Variants in EBF3 observed in about 807,000 individuals in gnomAD.
EBF3 encodes the protein EBF transcription factor 3.
A neutral mutation model predicts 77.1 loss-of-function variants in EBF3; 18 were observed. That is an observed-to-expected ratio of 0.23 (90% CI 0.16 to 0.35). The LOEUF (loss-of-function observed/expected upper bound fraction) is 0.35, where lower values mean the gene tolerates loss of function less well. EBF3 is among the 10% of genes least tolerant of loss of function. EBF3 has a pLI of 1.00. For missense variants in EBF3, 558 were observed against 860.0 expected (o/e 0.65, Z 4.39); for synonymous variants, 350 against 343.5 (o/e 1.02, Z -0.21).
rs529994360 is a variant in EBF3 at position 129,880,441 on chromosome 10, G to A, written c.555-2592C>T. Among the ~76,000 whole-genome samples the A allele has an allele frequency of 8.3e-4, 126 of 151,416 alleles. 1 individual carries two copies. Among genetic ancestry groups the A allele is most frequent in the Non-Finnish European group, 1.5e-3 (99 of 67,932 alleles). On this transcript the variant is annotated intron_variant, in intron 6 of 16. Transcript: ENST00000440978. Reference sequence around the variant, plus strand: ...CATGCACACATGCAGACACACACGCGCATACACATACACATGCAGACACAT... The same window carrying A: ...CATGCACACATGCAGACACACACGCACATACACATACACATGCAGACACAT...
chr10:129,948,284 A>AAGC (rs1365679892), intron 6 of EBF3, among the ~76,000 whole-genome samples: 3 of 148,558 alleles, frequency 2.0e-5, no homozygotes, highest in African/African-American at 7.7e-5. Context: ...AAAAAAAAAA[A>AAGC]AGCAGCAGCA....
intron 6 of EBF3, among the ~76,000 whole-genome samples, chr10:129,916,364 C>G (rs536477449): frequency 6.6e-6 from 1 of 152,376 alleles, no homozygotes; most frequent in South Asian, 2.1e-4. Flanking sequence ...TGTCCACCAC[C>G]TCATGCTCAG....
chr10:129,855,710 C>A (rs1471047930), intron 10 of EBF3, among the ~76,000 whole-genome samples: 2 of 152,196 alleles, frequency 1.3e-5, no homozygotes, highest in Non-Finnish European at 2.9e-5. Context: ...GTAAAAGCCA[C>A]CCTCAACATG....
In EBF3 at chr10:129,930,219, G is replaced by A. The variant is rs189939613; in HGVS notation, c.554+27039C>T. Among the ~76,000 whole-genome samples the A allele has an allele frequency of 3.6e-3, 542 of 152,322 alleles. 4 individuals carry two copies. Among genetic ancestry groups the A allele is most frequent in the African/African-American group, 0.013 (529 of 41,568 alleles). ...GAGGCCTTCAGACTTGGCCTGAGCC[G>A]TGATACCAGCATCCCAGGGTCTCCA... On this transcript the variant is annotated intron_variant, in intron 6 of 16. Transcript: ENST00000440978.
At chr10:129,862,472 C>T (rs1294924520) in intron 10 of EBF3, among the ~76,000 whole-genome samples, 6 of 152,042 alleles carry the variant, frequency 3.9e-5, no homozygotes, top group Admixed American at 2.0e-4. Flanking sequence ...TTTCTTTAAT[C>T]GAGCAAAAGA....
intron 6 of EBF3, among the ~76,000 whole-genome samples, chr10:129,911,807 G>A (rs2134296715): frequency 6.6e-6 from 1 of 152,338 alleles, no homozygotes; most frequent in African/African-American, 2.4e-5. Flanking sequence ...AAGCCCAGGT[G>A]GACTCCCAAG....
In EBF3 at chr10:129,841,879, T is replaced by C. The variant is rs1050211659; in HGVS notation, c.1372+237A>G. ...TTCTAGCAAATACCAGTGACCCGCA[T>C]GGCATCCATTGGAGCTGCCGTTTTT... On this transcript the variant is annotated intron_variant, in intron 13 of 16. Transcript: ENST00000440978. This position sits in a 1 kb window ranked among gnomAD's most constrained non-coding sequence, Gnocchi z 4.6. Among the ~76,000 whole-genome samples, 7 of 152,210 alleles carry C rather than the reference T, an allele frequency of 4.6e-5. No individual in the cohort carries two copies. The highest frequency in any genetic ancestry group is 7.2e-5 in the African/African-American group (3 of 41,466).
intron 6 of EBF3, among the ~76,000 whole-genome samples, chr10:129,898,152 G>A (rs1256301879): frequency 6.6e-6 from 1 of 152,232 alleles, no homozygotes; most frequent in Non-Finnish European, 1.5e-5. Context: ...ATGTTTCAAA[G>A]TCTTGACAAC....
chr10:129,952,865 G>T lies in EBF3; in HGVS notation c.554+4393C>A, dbSNP rs1205686496. Among the ~76,000 whole-genome samples, 4 of 152,088 alleles carry T rather than the reference G, an allele frequency of 2.6e-5. No homozygotes were observed. The highest frequency in any genetic ancestry group is 5.9e-5 in the Non-Finnish European group (4 of 68,028). Reference sequence around the variant, plus strand: ...TTACACGATATTAATACTTGAACAGGTGCAGAAAGGCGCTTTAAATGAGGT... The same window carrying T: ...TTACACGATATTAATACTTGAACAGTTGCAGAAAGGCGCTTTAAATGAGGT... On this transcript the variant is annotated intron_variant, in intron 6 of 16. Transcript: ENST00000440978. This position sits in a 1 kb window ranked among gnomAD's most constrained non-coding sequence, Gnocchi z 4.7.
intron 8 of EBF3, among the ~76,000 whole-genome samples, chr10:129,871,142 C>G (rs1041252135): frequency 1.3e-5 from 2 of 152,308 alleles, no homozygotes; most frequent in Middle Eastern, 6.8e-3. Context: ...AACCGCATTA[C>G]GGCACTTGGC....
chr10:129,886,567 C>G (rs1422835339), intron 6 of EBF3, among the ~76,000 whole-genome samples: 1 of 152,202 alleles, frequency 6.6e-6, no homozygotes, highest in Non-Finnish European at 1.5e-5. Context: ...TCAGTAAACC[C>G]TGCTCGGCTC....
chr10:129,914,783 C>A (rs879393909), intron 6 of EBF3, among the ~76,000 whole-genome samples: 3 of 152,168 alleles, frequency 2.0e-5, no homozygotes, highest in Admixed American at 6.5e-5. Context: ...CCGGCCACTA[C>A]TCACCAGGTG....
chr10:129,837,014 T>C lies in EBF3; in HGVS notation c.*929A>G, dbSNP rs921972974. 1 of 152,646 alleles carries C rather than the reference T, an allele frequency of 6.6e-6. No homozygotes were observed. Among genetic ancestry groups the C allele is most frequent in the Non-Finnish European group, 1.5e-5 (1 of 68,046 alleles). 9.5% of individuals were successfully genotyped at this position (152,646 alleles called of 1,614,324 possible). A position where few individuals can be genotyped will look rare whatever the true frequency, so the allele number is the denominator to read the frequency against. On this transcript the variant is annotated 3_prime_UTR_variant, in exon 17 of 17. Transcript: ENST00000440978. ...AGTGTATAAATATTTAGCTACAACT[T>C]TGGCAAAATCACAAAAGTCTACAAT...
At chr10:129,867,711 C>T in intron 9 of EBF3, 71 bp downstream of exon 9, 1 of 1,592,088 alleles carries the variant, frequency 6.3e-7, no homozygotes, top group East Asian at 2.2e-5. Flanking sequence ...TGTCAATACA[C>T]TATTGACAGC....
intron 6 of EBF3, among the ~76,000 whole-genome samples, chr10:129,902,658 T>C (rs1854873751): frequency 1.3e-5 from 2 of 152,218 alleles, no homozygotes; most frequent in Admixed American, 6.5e-5. Flanking sequence ...ACTTGGTATA[T>C]TGAGCAACAA....
At chr10:129,875,720 CCCT>C (rs1852731108) in intron 7 of EBF3, among the ~76,000 whole-genome samples, 1 of 152,186 alleles carries the variant, frequency 6.6e-6, no homozygotes, top group East Asian at 1.9e-4. Flanking sequence ...TATCTCAGCA[CCCT>C]CCTTTTTTGA....
chr10:129,953,626 C>T (rs899094441), intron 6 of EBF3, among the ~76,000 whole-genome samples: 40 of 152,216 alleles, frequency 2.6e-4, no homozygotes, highest in African/African-American at 8.9e-4. Context: ...CCCGCCGAGC[C>T]CGCTCCCAGC....
intron 6 of EBF3, among the ~76,000 whole-genome samples, chr10:129,922,700 C>T (rs1181806431): frequency 3.9e-5 from 6 of 152,252 alleles, no homozygotes; most frequent in East Asian, 1.9e-4. Context: ...CCTAGGCAAA[C>T]GAACCCCTGC....
chr10:129,931,058 A>G (rs1283604348), intron 6 of EBF3, among the ~76,000 whole-genome samples: 3 of 149,196 alleles, frequency 2.0e-5, no homozygotes, highest in Non-Finnish European at 4.4e-5. Context: ...ATCCCCCCAT[A>G]TATCTGTATC....
Sources: allele counts gnomAD v4.1 joint callset (sites outside exome capture counted in the v4.1 genomes callset), GRCh38; gene constraint gnomAD v4.1.1; non-coding constraint Gnocchi (gnomAD v3.1); transcripts MANE v1.5; gene names NCBI Gene and HGNC (gene_info 2026-07-23, HGNC 2026-07-21).